The following ZNF862 variants were observed in gnomAD, a reference collection of about 807,000 sequenced individuals.
ZNF862 encodes zinc finger protein 862.
A neutral mutation model predicts 91.1 loss-of-function variants in ZNF862; 64 were observed. The ratio of observed to expected loss-of-function variants is 0.70; its 90% confidence interval spans 0.57 to 0.87. ZNF862 has a LOEUF of 0.87. ZNF862 is among the 40% of genes least tolerant of loss of function. The probability of loss-of-function intolerance (pLI) is 0.00; values close to 1 mark genes in which losing one functional copy is unlikely to be tolerated. For synonymous variants in ZNF862, 631 were observed against 618.1 expected, an observed-to-expected ratio of 1.02 and a Z score of -0.31; for missense variants, 1,459 against 1,528.0, an observed-to-expected ratio of 0.95 and a Z score of 0.75.
rs1213357265 is a variant in ZNF862 at position 149,862,110 on chromosome 7, T to G, written c.2950T>G (p.Tyr984Asp). Residue 984 changes from tyrosine to aspartate, a missense_variant, in exon 7 of 8, where the codon TAC becomes GAC. Transcript: ENST00000223210. The stretch of plus-strand genomic sequence containing the variant: ...TTTCGAGTGCTCCCTCCCAACAGGA[T>G]ACAGTGAGGAAGCTCTGCTGGAGGA... The part of the protein sequence containing the change: ...RYFECSLPTG[Y>D]SEEALLEEWL... The G allele has an allele frequency of 6.2e-7, 1 of 1,613,578 alleles. No individual in the cohort carries two copies. Among genetic ancestry groups the G allele is most frequent in the Non-Finnish European group, 8.5e-7 (1 of 1,179,864 alleles).
At position 149,855,907 on chromosome 7, in the gene ZNF862, C is replaced by T. The variant is rs1802245456; in HGVS notation, c.1118-3515C>T. 6.6e-6 allele frequency: 1 copy of T among 152,322 alleles called. No homozygotes were observed. Among genetic ancestry groups the T allele is most frequent in the South Asian group, 2.1e-4 (1 of 4,836 alleles). 9.4% of individuals were successfully genotyped at this position (152,322 alleles called of 1,614,324 possible). A position where few individuals can be genotyped will look rare whatever the true frequency, so the allele number is the denominator to read the frequency against. The stretch of plus-strand genomic sequence containing the variant: ...TACCTTAGTCTTATCCAAGGCTGGA[C>T]TCGTGGCCATTCACGGCTCCCAGAG... On this transcript the variant is annotated intron_variant, in intron 5 of 7. Coordinates refer to ENST00000223210, the MANE Select transcript of ZNF862 (RefSeq NM_001099220.3). This position sits in a 1 kb window ranked among gnomAD's most constrained non-coding sequence, Gnocchi z 4.1.
intron 1 of ZNF862, among the ~76,000 whole-genome samples, chr7:149,840,187 T>TAAAAAAAAAAAAAAAAA (rs60721842): frequency 1.7e-4 from 7 of 41,256 alleles, no homozygotes; most frequent in South Asian, 3.5e-3. Context: ...GCTTAAAAAG[T>TAAAAAAAAAAAAAAAAA]AAAAAAAAAA....
At position 149,861,577 on chromosome 7, in the gene ZNF862, C is replaced by A; in HGVS notation, c.2417C>A (p.Ala806Asp). ...CACGCGCTGCTCGTGAGCTGGCCCG[C>A]CCTGGCCAGGCACCTCCAGAGGGTG... The part of the protein sequence containing the change: ...TLHALLVSWP[A>D]LARHLQRVAE... The change falls in exon 7 of 8, where the codon GCC (alanine) becomes GAC (aspartate). Residue 806 changes from alanine to aspartate, a missense_variant. By Grantham distance (126) the Ala-to-Asp change is moderately radical. Coordinates refer to ENST00000223210, the MANE Select transcript of ZNF862 (RefSeq NM_001099220.3). The surrounding 1 kb of genome is among the most constrained non-coding windows in gnomAD (Gnocchi z 6.7). The A allele has an allele frequency of 6.3e-7, 1 of 1,595,604 alleles. No individual in the cohort carries two copies. The highest frequency in any genetic ancestry group is 8.5e-7 in the Non-Finnish European group (1 of 1,173,188).
At chr7:149,848,526 AGTGAT>A in intron 4 of ZNF862, 94 bp downstream of exon 4, 1 of 1,044,084 alleles carries the variant, frequency 9.6e-7, no homozygotes, top group South Asian at 1.9e-5. Context: ...AAAGAATACT[AGTGAT>A]AACCCACTGC....
In ZNF862 at chr7:149,864,337, C is replaced by A; in HGVS notation, c.*53C>A. On this transcript the variant is annotated 3_prime_UTR_variant, in exon 8 of 8. Transcript: ENST00000223210. ...GGAGACGCCTCTGTGATCACTGGGA[C>A]AGGCTCTGCAGATTCTAGGCTGCCC... The A allele has an allele frequency of 1.3e-6, 2 of 1,511,510 alleles. No individual in the cohort carries two copies. Among genetic ancestry groups the A allele is most frequent in the Non-Finnish European group, 1.8e-6 (2 of 1,124,172 alleles). The allele number at this position is 1,511,510 out of a possible 1,614,324, so 93.6% of individuals were successfully genotyped here. A position where few individuals can be genotyped will look rare whatever the true frequency, so the allele number is the denominator to read the frequency against.
At chr7:149,859,559 T>C (rs779722161) in intron 6 of ZNF862, 33 bp downstream of exon 6, 5 of 1,513,134 alleles carry the variant, frequency 3.3e-6, no homozygotes, top group Non-Finnish European at 4.5e-6. Flanking sequence ...CTGAAGGACA[T>C]GTGCCAGGGC....
intron 5 of ZNF862, among the ~76,000 whole-genome samples, chr7:149,853,181 CGGAGTATCTG>C (rs886064955): frequency 3.3e-5 from 5 of 152,210 alleles, no homozygotes; most frequent in African/African-American, 1.2e-4. Flanking sequence ...CCTCCATCTC[CGGAGTATCTG>C]GGATTACAGG....
chr7:149,846,308 G>A, intron 3 of ZNF862, 53 bp downstream of exon 3: 1 of 1,395,856 alleles, frequency 7.2e-7, no homozygotes, highest in African/African-American at 1.4e-5. Context: ...AGGGAGCATG[G>A]GCAGCCCCAG....
At chr7:149,859,976 T>G in intron 6 of ZNF862, 1 of 255,452 alleles carries the variant, frequency 3.9e-6, no homozygotes, top group Admixed American at 4.9e-5. Context: ...TACTTCCTTC[T>G]GAGGCTTGTA....
chr7:149,841,131 T>TG lies in ZNF862; in HGVS notation c.24+2497dup, dbSNP rs1801688693. 3.0e-6 allele frequency: 3 copies of TG among 985,434 alleles called. No individual in the cohort carries two copies. In the African/African-American group the frequency reaches 5.2e-5, roughly 17 times the overall value. The allele number at this position is 985,434 out of a possible 1,614,324, so 61.0% of individuals were successfully genotyped here. ...GAAATAAAGTAATTACAAAACCAAC[T>TG]GTCAGTGTAAGATGTGTTGCAAATG... On this transcript the variant is annotated intron_variant, in intron 1 of 7. Transcript: ENST00000223210.
chr7:149,845,064 C>A, intron 2 of ZNF862: 1 of 275,402 alleles, frequency 3.6e-6, no homozygotes, highest in East Asian at 1.0e-4. Flanking sequence ...CTGTGGAGCC[C>A]GTAGGACACT....
intron 7 of ZNF862, 86 bp downstream of exon 7, chr7:149,862,580 T>G: frequency 7.1e-7 from 1 of 1,406,666 alleles, no homozygotes; most frequent in East Asian, 2.5e-5. Context: ...CCTGTGGAGC[T>G]TCTGTCATGC....
chr7:149,864,358 T>C lies in ZNF862; in HGVS notation c.*74T>C. Reference sequence around the variant, plus strand: ...GGGACAGGCTCTGCAGATTCTAGGCTGCCCTAGGATCTTCTGCTGGTGGCG... The same window carrying C: ...GGGACAGGCTCTGCAGATTCTAGGCCGCCCTAGGATCTTCTGCTGGTGGCG... On this transcript the variant is annotated 3_prime_UTR_variant, in exon 8 of 8. Coordinates refer to ENST00000223210, the MANE Select transcript of ZNF862 (RefSeq NM_001099220.3). 7.0e-7 allele frequency: 1 copy of C among 1,429,016 alleles called. No homozygotes were observed. The highest frequency in any genetic ancestry group is 1.4e-5 in the South Asian group (1 of 72,130). The allele number at this position is 1,429,016 out of a possible 1,614,324, so 88.5% of individuals were successfully genotyped here. A position where few individuals can be genotyped will look rare whatever the true frequency, so the allele number is the denominator to read the frequency against.
chr7:149,861,282 C>T lies in ZNF862; in HGVS notation c.2122C>T (p.Leu708Phe). The change falls in exon 7 of 8, where the codon CTT (leucine) becomes TTT (phenylalanine). Residue 708 changes from leucine to phenylalanine, a missense_variant. Leu to Phe is a conservative substitution (Grantham distance 22). Coordinates refer to ENST00000223210, the MANE Select transcript of ZNF862 (RefSeq NM_001099220.3). The surrounding 1 kb of genome is among the most constrained non-coding windows in gnomAD (Gnocchi z 6.7). The stretch of plus-strand genomic sequence containing the variant: ...AGCCATGTTGAGCTGCAGAGGAGGC[C>T]TTGTGGAAAAGTTCCAGGAGGTCAT... ...GSAMLSCRGG[L>F]VEKFQEVIPQ... 6.2e-7 allele frequency: 1 copy of T among 1,612,544 alleles called. No homozygotes were observed. The highest frequency in any genetic ancestry group is 1.1e-5 in the South Asian group (1 of 91,030).
rs911327138 is a variant in ZNF862, at chr7:149,848,014, G to A, written c.521G>A (p.Arg174Gln). Residue 174 changes from arginine to glutamine, a missense_variant, in exon 4 of 8, where the codon CGG becomes CAG. Physicochemically the swap from Arg to Gln is conservative, Grantham distance 43 (BLOSUM62 1). Transcript: ENST00000223210. Reference protein sequence around the residue: ...CREYPSIRDKRSRLIEGYTGP... With the variant: ...CREYPSIRDKQSRLIEGYTGP... Reference sequence around the variant, plus strand: ...GAATACCCCTCCATCAGGGACAAACGGTCAAGACTAATAGAAGGTTATACA... The same window carrying A: ...GAATACCCCTCCATCAGGGACAAACAGTCAAGACTAATAGAAGGTTATACA... 1.1e-5 allele frequency: 17 copies of A among 1,613,466 alleles called. No individual in the cohort carries two copies. The highest frequency in any genetic ancestry group is 2.2e-5 in the East Asian group (1 of 44,886).
At chr7:149,857,271 C>T (rs530774804) in intron 5 of ZNF862, among the ~76,000 whole-genome samples, 79 of 152,082 alleles carry the variant, frequency 5.2e-4, no homozygotes, top group Non-Finnish European at 9.4e-4. Flanking sequence ...TATTGGACTT[C>T]CTGGATTGAG....
At chr7:149,844,213 G>C (rs1721914703) in intron 1 of ZNF862, among the ~76,000 whole-genome samples, 1 of 152,134 alleles carries the variant, frequency 6.6e-6, no homozygotes, top group South Asian at 2.1e-4. Flanking sequence ...CACAGACATA[G>C]TTCTAAATGA....
Position 149,861,480 on chromosome 7 carries a change from C to G in ZNF862, c.2320C>G (p.Leu774Val). The G allele has an allele frequency of 6.2e-7, 1 of 1,612,914 alleles. No individual in the cohort carries two copies. The highest frequency in any genetic ancestry group is 8.5e-7 in the Non-Finnish European group (1 of 1,179,704). Residue 774 changes from leucine to valine, a missense_variant, in exon 7 of 8, where the codon CTG becomes GTG. By Grantham distance (32) the Leu-to-Val change is conservative. Coordinates refer to ENST00000223210, the MANE Select transcript of ZNF862 (RefSeq NM_001099220.3). This position sits in a 1 kb window ranked among gnomAD's most constrained non-coding sequence, Gnocchi z 6.7. ...LNELQEGAAPLEQEIIRLKDL... is the reference protein window; with the variant it reads ...LNELQEGAAPVEQEIIRLKDL... Reference sequence around the variant, plus strand: ...CGAGCTGCAGGAAGGTGCGGCGCCTCTGGAGCAGGAGATCATCCGCCTGAA... The same window carrying G: ...CGAGCTGCAGGAAGGTGCGGCGCCTGTGGAGCAGGAGATCATCCGCCTGAA...
At chr7:149,851,475 G>A (rs1563120395) in intron 5 of ZNF862, 1 of 152,250 alleles carries the variant, frequency 6.6e-6, no homozygotes. Context: ...TGCCCGTGCT[G>A]TGCTGAAGAG....
Sources: allele counts gnomAD v4.1 joint callset (sites outside exome capture counted in the v4.1 genomes callset), GRCh38; gene constraint gnomAD v4.1.1; non-coding constraint Gnocchi (gnomAD v3.1); transcripts MANE v1.5; gene names NCBI Gene and HGNC (gene_info 2026-07-23, HGNC 2026-07-21).